PRKCE: variants seen among roughly 807,000 people sequenced by gnomAD.
The protein encoded by PRKCE is protein kinase C epsilon.
PRKCE carries 16 observed loss-of-function variants against 85.4 expected under a neutral mutation model. The ratio of observed to expected loss-of-function variants is 0.19; its 90% CI spans 0.13 to 0.28. The LOEUF is 0.28. Among genes scored for constraint, PRKCE ranks in the 10% least tolerant of loss-of-function variants. PRKCE has a pLI of 1.00. For synonymous variants in PRKCE, 388 were observed against 371.5 expected (o/e 1.04, Z -0.51); for missense variants, 573 against 975.2 (o/e 0.59, Z 5.49).
At chr2:45,880,949 C>G (rs56382617) in intron 2 of PRKCE, among the ~76,000 whole-genome samples, 20 of 151,966 alleles carry the variant, frequency 1.3e-4, no homozygotes, top group Admixed American at 1.1e-3. Flanking sequence ...GTCAGGAGAT[C>G]GAGACCATCC....
chr2:46,138,653 G>A lies in PRKCE; in HGVS notation c.1593-6440G>A, dbSNP rs538819712. 1.1e-4 allele frequency among the ~76,000 whole-genome samples: 17 copies of A among 152,300 alleles called. No homozygotes were observed. The highest frequency in any genetic ancestry group is 1.9e-4 in the East Asian group (1 of 5,176). On this transcript the variant is annotated intron_variant, in intron 11 of 14. Coordinates refer to ENST00000306156, the MANE Select transcript of PRKCE (RefSeq NM_005400.3). The surrounding 1 kb of genome is among the most constrained non-coding windows in gnomAD (Gnocchi z 4.2). ...TAAGACTCAGATTAGAGCAGTGGTC[G>A]TCAACCAGAGGGCCTGCAAGGGACA...
chr2:45,741,693 G>A (rs940661930), intron 1 of PRKCE, among the ~76,000 whole-genome samples: 7 of 152,174 alleles, frequency 4.6e-5, no homozygotes, highest in African/African-American at 2.4e-5. Context: ...GACAGGCTGC[G>A]GGCTGTGGTC....
At chr2:46,114,440 C>G (rs1174608338) in intron 11 of PRKCE, among the ~76,000 whole-genome samples, 3 of 83,486 alleles carry the variant, frequency 3.6e-5, no homozygotes, top group African/African-American at 5.2e-5. Flanking sequence ...TTTTTTGAGA[C>G]AGAGTCTTGC....
chr2:45,788,273 T>A (rs1174261087), intron 1 of PRKCE, among the ~76,000 whole-genome samples: 1 of 152,214 alleles, frequency 6.6e-6, no homozygotes, highest in East Asian at 1.9e-4. Flanking sequence ...ATCACCCCTA[T>A]TTCAGCTTTC....
intron 2 of PRKCE, among the ~76,000 whole-genome samples, chr2:45,942,317 G>A (rs963954787): frequency 1.3e-5 from 2 of 152,136 alleles, no homozygotes; most frequent in African/African-American, 4.8e-5. Flanking sequence ...ATGCCTCAAA[G>A]TTTACATGTG....
chr2:45,839,355 C>G (rs910395997), intron 1 of PRKCE, among the ~76,000 whole-genome samples: 1 of 145,330 alleles, frequency 6.9e-6, no homozygotes, highest in Non-Finnish European at 1.6e-5. Context: ...GCTTCTGGCC[C>G]GTGCTGGAGG....
In PRKCE at chr2:45,854,131, A is replaced by T. The variant is rs139098806; in HGVS notation, c.412+11068A>T. Among the ~76,000 whole-genome samples the T allele has an allele frequency of 3.2e-4, 48 of 152,332 alleles. No individual in the cohort carries two copies. In the East Asian group the frequency reaches 5.0e-3, roughly 16 times the overall value. ...CTTGCCCCATCTAAGGGCACAAGTC[A>T]TTCAAGGGCAGAGGTTCCTGTACTG... On this transcript the variant is annotated intron_variant, in intron 2 of 14. Transcript: ENST00000306156.
At chr2:45,684,761 G>GA (rs1402808414) in intron 1 of PRKCE, among the ~76,000 whole-genome samples, 5 of 152,214 alleles carry the variant, frequency 3.3e-5, no homozygotes, top group African/African-American at 1.2e-4. Flanking sequence ...AGAGGTGGCA[G>GA]TGCTTTCTGT....
In PRKCE at chr2:45,905,858, A is replaced by C. The variant is rs1696932180; in HGVS notation, c.412+62795A>C. On this transcript the variant is annotated intron_variant, in intron 2 of 14. Transcript: ENST00000306156. The surrounding 1 kb of genome is among the most constrained non-coding windows in gnomAD (Gnocchi z 4.4). ...GTGAGATGTGGCTCCCACAGTGGGA[A>C]TAATTTCCTTGAAGGTCTTTACTCC... Among the ~76,000 whole-genome samples the C allele has an allele frequency of 6.6e-6, 1 of 152,244 alleles. No homozygotes were observed. The highest frequency in any genetic ancestry group is 1.5e-5 in the Non-Finnish European group (1 of 68,034).
chr2:45,669,027 A>G (rs1339970946), intron 1 of PRKCE, among the ~76,000 whole-genome samples: 2 of 152,072 alleles, frequency 1.3e-5, no homozygotes, highest in African/African-American at 2.4e-5. Flanking sequence ...ATTCTTTCAC[A>G]TTGTTGGGAC....
chr2:45,996,415 G>T (rs1704221442), intron 6 of PRKCE, among the ~76,000 whole-genome samples: 2 of 152,128 alleles, frequency 1.3e-5, no homozygotes, highest in South Asian at 4.2e-4. Context: ...AAGGAGTGGT[G>T]AGAGGGAGCA....
chr2:45,772,777 G>A (rs1002480720), intron 1 of PRKCE, among the ~76,000 whole-genome samples: 2 of 152,178 alleles, frequency 1.3e-5, no homozygotes, highest in African/African-American at 4.8e-5. Flanking sequence ...GTCAGGGAGT[G>A]TATCTCGGGG....
At chr2:45,826,041 T>C (rs1437426138) in intron 1 of PRKCE, among the ~76,000 whole-genome samples, 1 of 152,058 alleles carries the variant, frequency 6.6e-6, no homozygotes, top group Non-Finnish European at 1.5e-5. Context: ...AGAGGGTGCA[T>C]GTTTGGTGGT....
At chr2:45,753,399 A>G (rs1043421273) in intron 1 of PRKCE, among the ~76,000 whole-genome samples, 1 of 152,230 alleles carries the variant, frequency 6.6e-6, no homozygotes, top group Non-Finnish European at 1.5e-5. Context: ...TTTAAGTACT[A>G]GACTGAAACT....
intron 2 of PRKCE, among the ~76,000 whole-genome samples, chr2:45,853,759 G>A (rs1299618174): frequency 3.9e-5 from 6 of 152,258 alleles, no homozygotes; most frequent in African/African-American, 1.4e-4. Context: ...TGGATAATCG[G>A]TTCTTTCATA....
At position 45,652,476 on chromosome 2, in the gene PRKCE, G is replaced by T. The variant is rs1474478709; in HGVS notation, c.348+28G>T. 3.2e-6 allele frequency: 5 copies of T among 1,566,516 alleles called. No individual in the cohort carries two copies. In the Admixed American group the frequency reaches 5.3e-5, roughly 16 times the overall value. On this transcript the variant is annotated intron_variant, in intron 1 of 14. Coordinates refer to ENST00000306156, the MANE Select transcript of PRKCE (RefSeq NM_005400.3). This position sits in a 1 kb window ranked among gnomAD's most constrained non-coding sequence, Gnocchi z 7.7. Reference sequence around the variant, plus strand: ...GAGTGCGGCGCCTCCCCGTCATTCCGGGAACCCGGTTGTGGGGTCCCGGGG... The same window carrying T: ...GAGTGCGGCGCCTCCCCGTCATTCCTGGAACCCGGTTGTGGGGTCCCGGGG...
chr2:46,080,451 C>T (rs1668966642), intron 10 of PRKCE, among the ~76,000 whole-genome samples: 1 of 152,174 alleles, frequency 6.6e-6, no homozygotes. Context: ...TGAGGTTTTA[C>T]AATAGAAATG....
At chr2:46,016,740 C>G (rs1706187147) in intron 10 of PRKCE, among the ~76,000 whole-genome samples, 1 of 151,968 alleles carries the variant, frequency 6.6e-6, no homozygotes, top group South Asian at 2.1e-4. Context: ...GATACCCCAT[C>G]TTTACTAAAA....
At chr2:45,767,447 C>T (rs4953251) in intron 1 of PRKCE, among the ~76,000 whole-genome samples, 83,962 of 152,050 alleles carry the variant, frequency 0.55, 25,940 homozygotes, top group East Asian at 0.8. Flanking sequence ...GCCTTCCTGC[C>T]TCTTCCTCTT....
Sources: gnomAD v4.1 joint callset for allele counts (sites outside exome capture counted in the v4.1 genomes callset) on GRCh38, gnomAD v4.1.1 for gene constraint, Gnocchi (gnomAD v3.1) non-coding constraint, MANE v1.5 for transcripts, NCBI Gene and HGNC (gene_info 2026-07-23, HGNC 2026-07-21) for gene names.